Variants in SCUBE1 observed in about 807,000 individuals in gnomAD.
The protein encoded by SCUBE1 is signal peptide, CUB domain and EGF like domain containing 1, also known as signal peptide, CUB and EGF-like domain-containing protein 1.
In SCUBE1, 59 loss-of-function variants were observed where a neutral mutation model predicts 124.4. The observed-to-expected ratio is 0.47, with a 90% CI of 0.38 to 0.59. The LOEUF (loss-of-function observed/expected upper bound fraction) is 0.59, where lower values mean the gene tolerates loss of function less well. Ranked by LOEUF, SCUBE1 falls within the 20% of genes least tolerant of loss-of-function variation. The probability of loss-of-function intolerance (pLI) is 0.00; values close to 1 mark genes in which losing one functional copy is unlikely to be tolerated. For synonymous variants in SCUBE1, 545 were observed against 550.9 expected, an observed-to-expected ratio of 0.99 and a Z score of 0.15; for missense variants, 1,150 against 1,371.2, an observed-to-expected ratio of 0.84 and a Z score of 2.55.
chr22:43,285,810 C>T (rs1217688630), intron 4 of SCUBE1, among the ~76,000 whole-genome samples: 2 of 152,328 alleles, frequency 1.3e-5, no homozygotes, highest in African/African-American at 2.4e-5. Context: ...AGGGCTGCCC[C>T]GAGGCCAAAT....
intron 4 of SCUBE1, among the ~76,000 whole-genome samples, chr22:43,286,014 G>C (rs2146745719): frequency 6.6e-6 from 1 of 152,356 alleles, no homozygotes; most frequent in African/African-American, 2.4e-5. Flanking sequence ...CTCCTGTGCA[G>C]CACCTGGCAC....
chr22:43,238,682 C>G (rs1457547589), intron 7 of SCUBE1, 156 bp downstream of exon 7: 1 of 725,008 alleles, frequency 1.4e-6, no homozygotes, highest in Admixed American at 2.0e-5. Context: ...TCTTCCTGGC[C>G]TCTCCAACAG....
chr22:43,334,414 C>A (rs754700916), intron 2 of SCUBE1, among the ~76,000 whole-genome samples: 15 of 152,304 alleles, frequency 9.8e-5, no homozygotes, highest in East Asian at 1.9e-4. Context: ...ATTTCCCAAC[C>A]ATTTTAGGTC....
At chr22:43,280,299 G>A (rs1924714631) in intron 4 of SCUBE1, among the ~76,000 whole-genome samples, 1 of 151,932 alleles carries the variant, frequency 6.6e-6, no homozygotes, top group Admixed American at 6.5e-5. Flanking sequence ...TATGTGACGC[G>A]GGTAACAGGC....
chr22:43,258,449 C>T lies in SCUBE1; in HGVS notation c.611-114G>A. On this transcript the variant is annotated intron_variant, in intron 5 of 21. Coordinates refer to ENST00000360835, the MANE Select transcript of SCUBE1 (RefSeq NM_173050.5). The surrounding 1 kb of genome is among the most constrained non-coding windows in gnomAD (Gnocchi z 5.0). ...TGGGGAAACTGAGGCCTAAGGGCAT[C>T]AGTGGGTAGGGTCATGAGGCTCGCC... is the stretch of plus-strand genomic sequence containing the variant. 2 of 781,254 alleles carry T rather than the reference C, an allele frequency of 2.6e-6. No individual in the cohort carries two copies. The highest frequency in any genetic ancestry group is 4.6e-6 in the Non-Finnish European group (2 of 438,816). 48.4% of individuals were successfully genotyped at this position (781,254 alleles called of 1,614,324 possible).
At chr22:43,205,084 C>T (rs1235112075) in intron 21 of SCUBE1, among the ~76,000 whole-genome samples, 1 of 152,188 alleles carries the variant, frequency 6.6e-6, no homozygotes, top group Non-Finnish European at 1.5e-5. Flanking sequence ...TTCAGGCCTG[C>T]TCGCTGGTCC....
Position 43,259,589 on chromosome 22 carries a change from G to A in SCUBE1, c.611-1254C>T, listed in dbSNP as rs567707844. Among the ~76,000 whole-genome samples the A allele has an allele frequency of 7.2e-5, 11 of 152,274 alleles. No homozygotes were observed. The South Asian group carries it at 2.1e-3, about 29-fold the overall frequency. On this transcript the variant is annotated intron_variant, in intron 5 of 21. Coordinates refer to ENST00000360835, the MANE Select transcript of SCUBE1 (RefSeq NM_173050.5). ...CACTCTTCCTTTCACAGAGACCGAC[G>A]CAGAGCCTTCCTGCCCACCTGTCCT...
chr22:43,280,870 C>T (rs1402614817), intron 4 of SCUBE1, among the ~76,000 whole-genome samples: 1 of 22,234 alleles, frequency 4.5e-5, no homozygotes, highest in African/African-American at 2.3e-4. Context: ...CCTCCTCAGT[C>T]ACCCTGTCAC....
In SCUBE1 at chr22:43,203,671, C is replaced by G. The variant is rs1329517249; in HGVS notation, c.*326G>C. 1 of 243,772 alleles carries G rather than the reference C, an allele frequency of 4.1e-6. No homozygotes were observed. The highest frequency in any genetic ancestry group is 5.1e-5 in the Admixed American group (1 of 19,582). 15.1% of individuals were successfully genotyped at this position (243,772 alleles called of 1,614,324 possible). ...TCCCAGAGCACAGGCCCCACTTCCC[C>G]TCTCTCCTGAAACGCCAGGCCAGGC... On this transcript the variant is annotated 3_prime_UTR_variant, in exon 22 of 22. Transcript: ENST00000360835.
chr22:43,276,402 G>T (rs1275795495), intron 4 of SCUBE1, among the ~76,000 whole-genome samples: 1 of 152,198 alleles, frequency 6.6e-6, no homozygotes, highest in Non-Finnish European at 1.5e-5. Flanking sequence ...CAGCCACCAG[G>T]CCGGGAGACA....
rs866403615 is a variant in SCUBE1, at chr22:43,211,385, C to T, written c.2222-302G>A. Among the ~76,000 whole-genome samples, 19 of 151,842 alleles carry T rather than the reference C, an allele frequency of 1.3e-4. No homozygotes were observed. Among genetic ancestry groups the T allele is most frequent in the Non-Finnish European group, 8.8e-5 (6 of 67,976 alleles). On this transcript the variant is annotated intron_variant, in intron 17 of 21. Transcript: ENST00000360835. This position sits in a 1 kb window ranked among gnomAD's most constrained non-coding sequence, Gnocchi z 4.5. ...GCGGGGGCGATGATGTGGCCGGAGG[C>T]GTGCGGGGGAGACAGGGAGGAGGGG...
chr22:43,228,163 C>T (rs1021813651), intron 9 of SCUBE1, among the ~76,000 whole-genome samples: 10 of 152,180 alleles, frequency 6.6e-5, no homozygotes, highest in African/African-American at 1.7e-4. Flanking sequence ...GGCCTGGCAT[C>T]GTGAGTGTGG....
At chr22:43,320,089 G>C (rs376171134) in intron 2 of SCUBE1, 24 bp from the exon 3 acceptor site, 76 of 1,612,912 alleles carry the variant, frequency 4.7e-5, no homozygotes, top group Non-Finnish European at 6.4e-5. Context: ...GGCATGAGAG[G>C]TGTCAGAAGA....
intron 3 of SCUBE1, among the ~76,000 whole-genome samples, chr22:43,310,412 A>T (rs1926129198): frequency 2.6e-5 from 4 of 152,160 alleles, no homozygotes; most frequent in African/African-American, 9.7e-5. Context: ...AGCGGCCATG[A>T]TGTGCGGAAG....
At chr22:43,229,702 C>T (rs960965699) in intron 8 of SCUBE1, among the ~76,000 whole-genome samples, 2 of 152,056 alleles carry the variant, frequency 1.3e-5, no homozygotes, top group East Asian at 3.9e-4. Flanking sequence ...AGGAAATATG[C>T]CACCCATAAA....
chr22:43,244,358 C>G lies in SCUBE1; in HGVS notation c.728-5404G>C, dbSNP rs575415299. Among the ~76,000 whole-genome samples, 181 of 152,364 alleles carry G rather than the reference C, an allele frequency of 1.2e-3. 2 individuals are homozygous for G. The highest frequency in any genetic ancestry group is 6.8e-3 in the Middle Eastern group (2 of 294). ...GTGCAGAGGCCTCTCCCACTGACCA[C>G]ACGCTATCTGGGCAGGGCAGCGTCA... On this transcript the variant is annotated intron_variant, in intron 6 of 21. Coordinates refer to ENST00000360835, the MANE Select transcript of SCUBE1 (RefSeq NM_173050.5).
chr22:43,305,689 C>T (rs915390846), intron 3 of SCUBE1, among the ~76,000 whole-genome samples: 5 of 152,242 alleles, frequency 3.3e-5, no homozygotes, highest in African/African-American at 9.6e-5. Context: ...GGGGAGGGTC[C>T]CACTCGGCAG....
At chr22:43,263,438 T>C (rs1923946466) in intron 4 of SCUBE1, among the ~76,000 whole-genome samples, 1 of 152,212 alleles carries the variant, frequency 6.6e-6, no homozygotes, top group South Asian at 2.1e-4. Context: ...CGCCTCTGTC[T>C]GCCAACCCAC....
intron 6 of SCUBE1, among the ~76,000 whole-genome samples, chr22:43,257,062 G>A (rs1923688015): frequency 6.6e-6 from 1 of 152,250 alleles, no homozygotes; most frequent in Admixed American, 6.5e-5. Context: ...TTGTCTGAAA[G>A]AAGAGACCAC....
Sources: allele counts gnomAD v4.1 joint callset (sites outside exome capture counted in the v4.1 genomes callset), GRCh38; gene constraint gnomAD v4.1.1; non-coding constraint Gnocchi (gnomAD v3.1); transcripts MANE v1.5; gene names NCBI Gene and HGNC (gene_info 2026-07-23, HGNC 2026-07-21).